Variants in SLC9A9 observed in about 807,000 individuals in gnomAD.
The protein encoded by SLC9A9 is solute carrier family 9 member A9.
Under a neutral mutation model 77.8 loss-of-function variants are expected in SLC9A9, and 62 were observed. That is an observed-to-expected ratio of 0.80 (90% CI 0.65 to 0.98). SLC9A9 has a LOEUF of 0.98. SLC9A9 is among the 50% of genes least tolerant of loss of function. SLC9A9 has a pLI of 0.00. For missense variants in SLC9A9, 775 were observed against 774.9 expected (o/e 1.00, Z 0.00); for synonymous variants, 320 against 283.5 (o/e 1.13, Z -1.29).
intron 12 of SLC9A9, among the ~76,000 whole-genome samples, chr3:143,387,784 TAA>T (rs34211120): frequency 1.4e-5 from 2 of 147,268 alleles, no homozygotes; most frequent in East Asian, 2.0e-4. Context: ...CAACCATAGT[TAA>T]AAAAAAAAAA....
At chr3:143,701,704 GC>G (rs1560039309) in intron 4 of SLC9A9, among the ~76,000 whole-genome samples, 1 of 152,128 alleles carries the variant, frequency 6.6e-6, no homozygotes, top group East Asian at 1.9e-4. Flanking sequence ...AGAGTTATTG[GC>G]CTTAAAGAGG....
At chr3:143,478,606 A>G (rs1431618744) in intron 11 of SLC9A9, among the ~76,000 whole-genome samples, 1 of 152,232 alleles carries the variant, frequency 6.6e-6, no homozygotes, top group Non-Finnish European at 1.5e-5. Flanking sequence ...TAATGACCCT[A>G]TGGATGGATA....
At chr3:143,641,385 CTTTTT>C (rs529425639) in intron 6 of SLC9A9, among the ~76,000 whole-genome samples, 969 of 78,770 alleles carry the variant, frequency 0.012, 8 homozygotes, top group African/African-American at 0.041. Flanking sequence ...TTGTCACAGT[CTTTTT>C]TTTTTTTTTT....
chr3:143,770,239 A>T (rs2007469096), intron 4 of SLC9A9, among the ~76,000 whole-genome samples: 1 of 152,194 alleles, frequency 6.6e-6, no homozygotes, highest in South Asian at 2.1e-4. Flanking sequence ...AGGCAGAAAA[A>T]TTCTTGGAAA....
intron 1 of SLC9A9, among the ~76,000 whole-genome samples, chr3:143,839,105 T>C (rs2009643186): frequency 6.6e-6 from 1 of 152,186 alleles, no homozygotes; most frequent in African/African-American, 2.4e-5. Flanking sequence ...AGTAACAACG[T>C]ACAATGCCTT....
At chr3:143,522,628 C>T (rs79533097) in intron 9 of SLC9A9, among the ~76,000 whole-genome samples, 2,332 of 152,126 alleles carry the variant, frequency 0.015, 29 homozygotes, top group Middle Eastern at 0.034. Flanking sequence ...TTTATATTCC[C>T]ACCAAATATA....
chr3:143,623,083 A>C (rs2108715917), intron 6 of SLC9A9, among the ~76,000 whole-genome samples: 1 of 152,336 alleles, frequency 6.6e-6, no homozygotes, highest in South Asian at 2.1e-4. Flanking sequence ...ATATATGTGC[A>C]CCCAATATAG....
intron 14 of SLC9A9, among the ~76,000 whole-genome samples, chr3:143,323,282 C>A (rs781014190): frequency 3.3e-5 from 5 of 152,174 alleles, no homozygotes; most frequent in Non-Finnish European, 5.9e-5. Flanking sequence ...TTTATTGCAG[C>A]ACTATTGACA....
chr3:143,485,138 G>A (rs2035635533), intron 11 of SLC9A9, among the ~76,000 whole-genome samples: 1 of 152,196 alleles, frequency 6.6e-6, no homozygotes, highest in South Asian at 2.1e-4. Context: ...TGTTCCTGGA[G>A]CAGCTTGCAA....
rs755334568 is a variant in SLC9A9 at position 143,650,374 on chromosome 3, G to GAATA, written c.755+1877_755+1880dup. 2.0e-5 allele frequency among the ~76,000 whole-genome samples: 3 copies of GAATA among 152,196 alleles called. No individual in the cohort carries two copies. The East Asian group carries it at 5.8e-4, about 29-fold the overall frequency. On this transcript the variant is annotated intron_variant, in intron 6 of 15. Transcript: ENST00000316549. Reference sequence around the variant, plus strand: ...GTGTGTGTAAATAGATGTACAAAGAGAATAGTATGTGTGCTATAAATTAAG... The same window carrying GAATA: ...GTGTGTGTAAATAGATGTACAAAGAGAATAAATAGTATGTGTGCTATAAATTAAG...
At chr3:143,482,168 G>T (rs561945520) in intron 11 of SLC9A9, among the ~76,000 whole-genome samples, 1 of 151,966 alleles carries the variant, frequency 6.6e-6, no homozygotes, top group Non-Finnish European at 1.5e-5. Flanking sequence ...CAACTGAGAG[G>T]GGAAAAAATA....
chr3:143,832,236 A>G lies in SLC9A9; in HGVS notation c.176-15T>C. 6.2e-7 allele frequency: 1 copy of G among 1,603,126 alleles called. No homozygotes were observed. On this transcript the variant is annotated splice_polypyrimidine_tract_variant and intron_variant, in intron 1 of 15. Transcript: ENST00000316549. Reference sequence around the variant, plus strand: ...CATTATAAGGCCTAAAAAAAAAAGAATAAATAATGGTACTGGAGGAAGGCA... The same window carrying G: ...CATTATAAGGCCTAAAAAAAAAAGAGTAAATAATGGTACTGGAGGAAGGCA...
At chr3:143,520,477 T>G (rs1316626097) in intron 9 of SLC9A9, among the ~76,000 whole-genome samples, 1 of 152,210 alleles carries the variant, frequency 6.6e-6, no homozygotes, top group East Asian at 1.9e-4. Flanking sequence ...ACATAACTGT[T>G]GTTTAAACTA....
rs926948599 is a variant in SLC9A9, at chr3:143,265,893, G to C, written c.*809C>G. 13 of 608,054 alleles carry C rather than the reference G, an allele frequency of 2.1e-5. No homozygotes were observed. The highest frequency in any genetic ancestry group is 2.9e-5 in the Non-Finnish European group (10 of 339,088). The allele number at this position is 608,054 out of a possible 1,614,324, so 37.7% of individuals were successfully genotyped here. A position where few individuals can be genotyped will look rare whatever the true frequency, so the allele number is the denominator to read the frequency against. ...CTACCCTCCAGCATATCGCGGGGAG[G>C]GGGGGACCTGCTGCACAGCCAAGAA... On this transcript the variant is annotated 3_prime_UTR_variant, in exon 16 of 16. Transcript: ENST00000316549.
chr3:143,778,037 C>CAAAAA lies in SLC9A9; in HGVS notation c.533+16959_533+16963dup, dbSNP rs748982877. Among the ~76,000 whole-genome samples, 20 of 75,572 alleles carry CAAAAA rather than the reference C, an allele frequency of 2.6e-4. 2 individuals are homozygous for CAAAAA. The highest frequency in any genetic ancestry group is 3.5e-4 in the African/African-American group (7 of 19,906). The allele number at this position is 75,572 out of a possible 152,430, so 49.6% of individuals were successfully genotyped here. A position where few individuals can be genotyped will look rare whatever the true frequency, so the allele number is the denominator to read the frequency against. ...CCGTCACTGATACTTTTATAAAATG[C>CAAAAA]AAAAAAAAAAAAAAAGATGCTGAAT... On this transcript the variant is annotated intron_variant, in intron 4 of 15. Transcript: ENST00000316549.
intron 4 of SLC9A9, among the ~76,000 whole-genome samples, chr3:143,743,229 GGATGGATGGATGGATAGATAGATA>G (rs1935117877): frequency 7.6e-6 from 1 of 132,002 alleles, no homozygotes; most frequent in African/African-American, 3.0e-5. Flanking sequence ...ATGGATGGAT[GGATGGATGGATGGATAGATAGATA>G]GATAGATAGA....
rs140705313 is a variant in SLC9A9 at position 143,537,122 on chromosome 3, C to T, written c.1089+15240G>A. On this transcript the variant is annotated intron_variant, in intron 9 of 15. Coordinates refer to ENST00000316549, the MANE Select transcript of SLC9A9 (RefSeq NM_173653.4). ...AAACCACACCTGCAAAATGACAGGA[C>T]CTCAGCATCTGGTGTCCAGCATCTG... Among the ~76,000 whole-genome samples, 350 of 152,332 alleles carry T rather than the reference C, an allele frequency of 2.3e-3. 3 individuals carry two copies. The highest frequency in any genetic ancestry group is 7.9e-3 in the African/African-American group (330 of 41,564).
At chr3:143,458,594 T>C (rs1014095506) in intron 12 of SLC9A9, among the ~76,000 whole-genome samples, 4 of 152,116 alleles carry the variant, frequency 2.6e-5, no homozygotes, top group Non-Finnish European at 5.9e-5. Context: ...TCTCATTGTG[T>C]ATGTGTTTTA....
intron 9 of SLC9A9, among the ~76,000 whole-genome samples, chr3:143,527,899 T>C (rs1247122472): frequency 6.6e-6 from 1 of 152,076 alleles, no homozygotes; most frequent in East Asian, 1.9e-4. Flanking sequence ...AAGAACTGGG[T>C]AGTGTGCACT....
Sources: allele counts gnomAD v4.1 joint callset (sites outside exome capture counted in the v4.1 genomes callset), GRCh38; gene constraint gnomAD v4.1.1; transcripts MANE v1.5; gene names NCBI Gene and HGNC (gene_info 2026-07-23, HGNC 2026-07-21).